XIRP2: variants seen among roughly 807,000 people sequenced by gnomAD.
XIRP2 encodes xin actin-binding repeat-containing protein 2.
A neutral mutation model predicts 277.0 loss-of-function variants in XIRP2; 236 were observed. The ratio of observed to expected loss-of-function variants is 0.85; its 90% CI spans 0.77 to 0.95. The LOEUF is 0.95. XIRP2 is among the 40% of genes least tolerant of loss of function. The pLI, the probability that XIRP2 is intolerant of heterozygous loss-of-function variation, is 0.00. For missense variants in XIRP2, 4,640 were observed against 4,157.5 expected, an observed-to-expected ratio of 1.12 and a Z score of -3.19; for synonymous variants, 1,490 against 1,416.5, an observed-to-expected ratio of 1.05 and a Z score of -1.17.
chr2:167,040,398 G>C (rs1166836163), intron 2 of XIRP2, among the ~76,000 whole-genome samples: 1 of 152,098 alleles, frequency 6.6e-6, no homozygotes, highest in Non-Finnish European at 1.5e-5. Context: ...ACCCCAAGTA[G>C]ATCCTGGGGA....
At chr2:167,145,510 G>C (rs192916438) in intron 3 of XIRP2, among the ~76,000 whole-genome samples, 1 of 152,280 alleles carries the variant, frequency 6.6e-6, no homozygotes, top group Admixed American at 6.5e-5. Context: ...AACACATGCA[G>C]TGAGATTATA....
At chr2:166,994,871 T>A (rs1687171382) in intron 2 of XIRP2, among the ~76,000 whole-genome samples, 1 of 152,002 alleles carries the variant, frequency 6.6e-6, no homozygotes, top group East Asian at 1.9e-4. Context: ...TTTAATCCTA[T>A]AAATATTATA....
At chr2:166,965,489 G>A (rs1574120848) in intron 2 of XIRP2, among the ~76,000 whole-genome samples, 1 of 152,030 alleles carries the variant, frequency 6.6e-6, no homozygotes, top group Non-Finnish European at 1.5e-5. Flanking sequence ...CAGAGAATAT[G>A]ACAGAGTCAC....
chr2:167,256,621 A>G (rs1456564443), intron 10 of XIRP2, among the ~76,000 whole-genome samples: 1 of 151,832 alleles, frequency 6.6e-6, no homozygotes, highest in African/African-American at 2.4e-5. Flanking sequence ...GGATATTATA[A>G]TGCCCTTTGC....
intron 3 of XIRP2, among the ~76,000 whole-genome samples, chr2:167,204,685 C>A (rs182963543): frequency 2.6e-5 from 4 of 152,288 alleles, no homozygotes; most frequent in African/African-American, 9.6e-5. Context: ...GTAAATCATT[C>A]TTTGAAGTTC....
At chr2:167,154,555 G>C (rs1692124813) in intron 3 of XIRP2, among the ~76,000 whole-genome samples, 1 of 151,980 alleles carries the variant, frequency 6.6e-6, no homozygotes, top group African/African-American at 2.4e-5. Flanking sequence ...TAACATTTAA[G>C]TCTTTAATCC....
chr2:167,015,416 T>TTTTA (rs1687793249), intron 2 of XIRP2, among the ~76,000 whole-genome samples: 1 of 121,696 alleles, frequency 8.2e-6, no homozygotes, highest in Non-Finnish European at 1.7e-5. Flanking sequence ...ATTATCTGTC[T>TTTTA]TTTATCTATC....
intron 2 of XIRP2, among the ~76,000 whole-genome samples, chr2:166,972,128 G>A (rs1686593870): frequency 6.6e-6 from 1 of 151,994 alleles, no homozygotes; most frequent in Non-Finnish European, 1.5e-5. Flanking sequence ...AAAAAGAAGA[G>A]AACAGAGCCC....
chr2:167,034,215 G>T (rs1688445791), intron 2 of XIRP2, among the ~76,000 whole-genome samples: 1 of 152,026 alleles, frequency 6.6e-6, no homozygotes, highest in African/African-American at 2.4e-5. Context: ...AATCAGTGTT[G>T]TCATCAGTTT....
intron 1 of XIRP2, among the ~76,000 whole-genome samples, chr2:166,888,945 G>A (rs1379995553): frequency 2.6e-5 from 4 of 152,180 alleles, no homozygotes; most frequent in African/African-American, 9.7e-5. Context: ...ATCACCCAAA[G>A]AAAGCATCTG....
intron 2 of XIRP2, among the ~76,000 whole-genome samples, chr2:167,032,385 G>C (rs61688096): frequency 1.3e-5 from 2 of 151,882 alleles, no homozygotes; most frequent in African/African-American, 4.8e-5. Flanking sequence ...GGACATAAGC[G>C]TGGGCAAAGA....
Position 167,242,595 on chromosome 2 carries a change from C to T in XIRP2, c.1203C>T (p.Phe401=), listed in dbSNP as rs935432440. 2.5e-6 allele frequency: 4 copies of T among 1,612,886 alleles called. No homozygotes were observed. The Admixed American group carries it at 5.0e-5, about 20-fold the overall frequency. The stretch of plus-strand genomic sequence containing the variant: ...CTGAAAGTGAATATGAAGAGACTTT[C>T]AAGCCATCATCAGTTGTGAGTACCT... ...IKTESEYEET[F]KPSSVVSTSS... The change falls in exon 9 of 11, where the codon TTC becomes TTT. Residue 401 remains phenylalanine, a synonymous_variant. Transcript: ENST00000409195.
intron 2 of XIRP2, among the ~76,000 whole-genome samples, chr2:166,940,699 G>A (rs1685681569): frequency 6.6e-6 from 1 of 152,196 alleles, no homozygotes; most frequent in Admixed American, 6.5e-5. Context: ...GTTGGAGTTT[G>A]CTGGAGGTCC....
In XIRP2 at chr2:167,245,291, T is replaced by G; in HGVS notation, c.3899T>G (p.Ile1300Ser). ...GACTATATCAGCACCAAGAAAACAA[T>G]TACTGAAGAAGTAATACAGGGTGAT... Reference protein sequence around the residue: ...ESDYISTKKTITEEVIQGDVK... With the variant: ...ESDYISTKKTSTEEVIQGDVK... Residue 1300 changes from isoleucine (I) to serine (S), a missense_variant, in exon 9 of 11, where the codon ATT becomes AGT. Physicochemically the swap from Ile to Ser is moderately radical, Grantham distance 142. Coordinates refer to ENST00000409195, the MANE Select transcript of XIRP2 (RefSeq NM_152381.6). 1 of 1,613,488 alleles carries G rather than the reference T, an allele frequency of 6.2e-7. No individual in the cohort carries two copies. The highest frequency in any genetic ancestry group is 8.5e-7 in the Non-Finnish European group (1 of 1,179,700).
At chr2:167,026,359 G>A (rs1420697800) in intron 2 of XIRP2, among the ~76,000 whole-genome samples, 3 of 152,102 alleles carry the variant, frequency 2.0e-5, no homozygotes, top group Non-Finnish European at 2.9e-5. Flanking sequence ...CTCTGCACGT[G>A]AGATGGGTTT....
intron 2 of XIRP2, among the ~76,000 whole-genome samples, chr2:166,984,811 T>C (rs1686959594): frequency 6.6e-6 from 1 of 152,166 alleles, no homozygotes; most frequent in South Asian, 2.1e-4. Flanking sequence ...TAAAGTGGAG[T>C]TCTGATATTG....
intron 2 of XIRP2, among the ~76,000 whole-genome samples, chr2:166,929,059 TC>T (rs1303646840): frequency 1.3e-5 from 2 of 151,974 alleles, no homozygotes; most frequent in Non-Finnish European, 2.9e-5. Context: ...CAAAGACTGA[TC>T]CCCAACCAGC....
intron 2 of XIRP2, among the ~76,000 whole-genome samples, chr2:166,920,715 A>G (rs147794991): frequency 6.6e-6 from 1 of 152,192 alleles, no homozygotes; most frequent in Non-Finnish European, 1.5e-5. Flanking sequence ...ACTGTGTTCC[A>G]GGAATGTACT....
chr2:167,166,580 G>T (rs1692526642), intron 3 of XIRP2, among the ~76,000 whole-genome samples: 1 of 152,174 alleles, frequency 6.6e-6, no homozygotes, highest in Non-Finnish European at 1.5e-5. Flanking sequence ...CCTGCTTCTG[G>T]TGAGGGCTCA....
Sources: gnomAD v4.1 joint callset for allele counts (sites outside exome capture counted in the v4.1 genomes callset) on GRCh38, gnomAD v4.1.1 for gene constraint, MANE v1.5 for transcripts, NCBI Gene and HGNC (gene_info 2026-07-23, HGNC 2026-07-21) for gene names.